The following SLC22A3 variants were observed in gnomAD, a reference collection of about 807,000 sequenced individuals.
SLC22A3 encodes the protein solute carrier family 22 member 3.
SLC22A3 carries 51 observed loss-of-function variants against 59.1 expected under a neutral mutation model. The ratio of observed to expected loss-of-function variants is 0.86; its 90% CI spans 0.69 to 1.09. The LOEUF is 1.09. Among genes scored for constraint, SLC22A3 ranks in the 50% least tolerant of loss-of-function variants. SLC22A3 has a pLI of 0.00. For synonymous variants in SLC22A3, 325 were observed against 292.0 expected (o/e 1.11, Z -1.15); for missense variants, 711 against 726.3 (o/e 0.98, Z 0.24).
At chr6:160,367,888 C>A (rs1175388751) in intron 1 of SLC22A3, among the ~76,000 whole-genome samples, 2 of 152,142 alleles carry the variant, frequency 1.3e-5, no homozygotes, top group Non-Finnish European at 2.9e-5. Flanking sequence ...TCTGTTGAGT[C>A]TACCTCCTCT....
intron 1 of SLC22A3, among the ~76,000 whole-genome samples, chr6:160,351,422 A>G (rs1207223817): frequency 1.3e-5 from 2 of 152,170 alleles, no homozygotes; most frequent in Non-Finnish European, 2.9e-5. Context: ...GCCTCTTTTT[A>G]AATTCCAAAT....
Position 160,415,733 on chromosome 6 carries a change from G to A in SLC22A3, c.975+4887G>A, listed in dbSNP as rs778081248. ...GGTTAGAATGGATTTGAAAGAATGT[G>A]GTTGGATTCAAAGAAGCCCTAGGAG... On this transcript the variant is annotated intron_variant, in intron 5 of 10. Transcript: ENST00000275300. This position sits in a 1 kb window ranked among gnomAD's most constrained non-coding sequence, Gnocchi z 4.1. Among the ~76,000 whole-genome samples the A allele has an allele frequency of 6.6e-6, 1 of 152,162 alleles. No homozygotes were observed. Among genetic ancestry groups the A allele is most frequent in the Non-Finnish European group, 1.5e-5 (1 of 68,026 alleles).
At chr6:160,434,471 T>C (rs1788265820) in intron 5 of SLC22A3, among the ~76,000 whole-genome samples, 1 of 152,214 alleles carries the variant, frequency 6.6e-6, no homozygotes, top group Non-Finnish European at 1.5e-5. Flanking sequence ...TTTCCTTATT[T>C]ATAGAATAAG....
In SLC22A3 at chr6:160,447,788, A is replaced by T. The variant is rs1173335778; in HGVS notation, c.1580A>T (p.Glu527Val). The change falls in exon 10 of 11, where the codon GAG becomes GTG. Residue 527 changes from glutamate (E) to valine (V), a missense_variant. Transcript: ENST00000275300. ...GAAACCAAGGGTATTGCCTTGCCAG[A>T]GACAGTGGATGATGTAGAAAAACTT... is the stretch of plus-strand genomic sequence containing the variant. Reference protein sequence around the residue: ...LPETKGIALPETVDDVEKLGS... With the variant: ...LPETKGIALPVTVDDVEKLGS... 6.2e-7 allele frequency: 1 copy of T among 1,614,106 alleles called. No individual in the cohort carries two copies. Among genetic ancestry groups the T allele is most frequent in the African/African-American group, 1.3e-5 (1 of 75,046 alleles).
Position 160,431,153 on chromosome 6 carries a change from A to G in SLC22A3, c.976-5627A>G, listed in dbSNP as rs552066694. 1.4e-4 allele frequency among the ~76,000 whole-genome samples: 22 copies of G among 152,380 alleles called. 1 individual carries two copies. The South Asian group carries it at 4.6e-3, about 32-fold the overall frequency. ...GAGGTAATAAAGCAATTTTTTAAAAACAATTTTAAACCTGGTATAGCATTT... is the reference window on the plus strand; with the variant it reads ...GAGGTAATAAAGCAATTTTTTAAAAGCAATTTTAAACCTGGTATAGCATTT... On this transcript the variant is annotated intron_variant, in intron 5 of 10. Coordinates refer to ENST00000275300, the MANE Select transcript of SLC22A3 (RefSeq NM_021977.4).
At chr6:160,361,738 CA>C (rs1785019343) in intron 1 of SLC22A3, among the ~76,000 whole-genome samples, 1 of 152,142 alleles carries the variant, frequency 6.6e-6, no homozygotes, top group Admixed American at 6.5e-5. Flanking sequence ...TCTGAACCAA[CA>C]AGTAATTAAC....
rs375508146 is a variant in SLC22A3 at position 160,405,904 on chromosome 6, G to T, written c.534-1137G>T. 6.6e-5 allele frequency among the ~76,000 whole-genome samples: 10 copies of T among 152,256 alleles called. No individual in the cohort carries two copies. In the East Asian group the frequency reaches 7.7e-4, roughly 12 times the overall value. The stretch of plus-strand genomic sequence containing the variant: ...GGAGACAGTAAAAAAAAGGATCAGT[G>T]GTTGCTAGAGGGTGGGGAGAGGGAG... On this transcript the variant is annotated intron_variant, in intron 2 of 10. Coordinates refer to ENST00000275300, the MANE Select transcript of SLC22A3 (RefSeq NM_021977.4).
At chr6:160,414,487 A>G (rs964281737) in intron 5 of SLC22A3, among the ~76,000 whole-genome samples, 17 of 152,196 alleles carry the variant, frequency 1.1e-4, no homozygotes, top group African/African-American at 4.1e-4. Flanking sequence ...ATATGTTTCA[A>G]TCCTTTGCAA....
chr6:160,348,510 A>C lies in SLC22A3; in HGVS notation c.91A>C (p.Thr31Pro). 6.4e-7 allele frequency: 1 copy of C among 1,563,080 alleles called. No individual in the cohort carries two copies. Among genetic ancestry groups the C allele is most frequent in the South Asian group, 1.2e-5 (1 of 86,928 alleles). The change falls in exon 1 of 11, where the codon ACC becomes CCC. Residue 31 changes from threonine to proline, a missense_variant. Physicochemically the swap from Thr to Pro is conservative, Grantham distance 38 (BLOSUM62 -1). Transcript: ENST00000275300. ...VFLLLCLTGV[T>P]FAFLFVGVVF... ...TTTGCTGCTGTGCCTGACGGGCGTCACCTTCGCCTTCCTCTTCGTCGGCGT... is the reference window on the plus strand; with the variant it reads ...TTTGCTGCTGTGCCTGACGGGCGTCCCCTTCGCCTTCCTCTTCGTCGGCGT...
At chr6:160,424,110 C>G (rs1279666303) in intron 5 of SLC22A3, among the ~76,000 whole-genome samples, 1 of 152,136 alleles carries the variant, frequency 6.6e-6, no homozygotes, top group Non-Finnish European at 1.5e-5. Flanking sequence ...TTAACACATT[C>G]TTGTCTCCTA....
chr6:160,383,741 G>A (rs1237401549), intron 1 of SLC22A3, among the ~76,000 whole-genome samples: 1 of 151,918 alleles, frequency 6.6e-6, no homozygotes, highest in Non-Finnish European at 1.5e-5. Context: ...CTTATCCATG[G>A]GGTCTGCATC....
chr6:160,381,265 C>A (rs949098888), intron 1 of SLC22A3, among the ~76,000 whole-genome samples: 6 of 152,176 alleles, frequency 3.9e-5, no homozygotes, highest in Non-Finnish European at 7.3e-5. Context: ...GCCTGAAGGT[C>A]TTTTATCTGT....
At chr6:160,436,525 A>C (rs1253046950) in intron 5 of SLC22A3, among the ~76,000 whole-genome samples, 2 of 152,218 alleles carry the variant, frequency 1.3e-5, no homozygotes, top group African/African-American at 4.8e-5. Flanking sequence ...ATGTATTTAG[A>C]ACATACAGAG....
At chr6:160,447,621 C>T (rs568846534) in intron 9 of SLC22A3, 98 bp from the exon 10 acceptor site, 1 of 973,552 alleles carries the variant, frequency 1.0e-6, no homozygotes, top group East Asian at 2.4e-5. Flanking sequence ...GAGAGCTACT[C>T]CAGTGAGCAA....
chr6:160,440,261 A>AAGTC (rs1437668163), intron 7 of SLC22A3, among the ~76,000 whole-genome samples: 1 of 152,204 alleles, frequency 6.6e-6, no homozygotes, highest in African/African-American at 2.4e-5. Context: ...CAGTTTGGAT[A>AAGTC]AGTCGTCTTC....
At chr6:160,432,919 T>A (rs1788205942) in intron 5 of SLC22A3, among the ~76,000 whole-genome samples, 1 of 152,184 alleles carries the variant, frequency 6.6e-6, no homozygotes, top group African/African-American at 2.4e-5. Flanking sequence ...CACCTCAACT[T>A]CTTTCTCTCT....
chr6:160,440,137 C>T (rs1419517151), intron 7 of SLC22A3, among the ~76,000 whole-genome samples: 2 of 152,218 alleles, frequency 1.3e-5, no homozygotes, highest in Non-Finnish European at 2.9e-5. Flanking sequence ...AGACTCACTG[C>T]TTCTAGTCCA....
chr6:160,363,327 C>T (rs1785087751), intron 1 of SLC22A3, among the ~76,000 whole-genome samples: 1 of 152,206 alleles, frequency 6.6e-6, no homozygotes, highest in Non-Finnish European at 1.5e-5. Flanking sequence ...GATCCCATCG[C>T]GAAGGCCTCA....
intron 1 of SLC22A3, among the ~76,000 whole-genome samples, chr6:160,361,115 C>A (rs1784999852): frequency 1.3e-5 from 2 of 152,136 alleles, no homozygotes; most frequent in Non-Finnish European, 2.9e-5. Flanking sequence ...AGGGGAACAT[C>A]ATATACAATA....
Sources: allele counts gnomAD v4.1 joint callset (sites outside exome capture counted in the v4.1 genomes callset), GRCh38; gene constraint gnomAD v4.1.1; non-coding constraint Gnocchi (gnomAD v3.1); transcripts MANE v1.5; gene names NCBI Gene and HGNC (gene_info 2026-07-23, HGNC 2026-07-21).